The following FSHR variants were observed in gnomAD, a reference collection of about 807,000 sequenced individuals.
FSHR encodes follicle-stimulating hormone receptor.
FSHR carries 46 observed loss-of-function variants against 52.1 expected under a neutral mutation model. That is an observed-to-expected ratio of 0.88 (90% confidence interval 0.70 to 1.13). The LOEUF is 1.13. Among genes scored for constraint, FSHR ranks in the 50% most tolerant of loss-of-function variants. The pLI, the probability that FSHR is intolerant of heterozygous loss-of-function variation, is 0.00. For synonymous variants in FSHR, 399 were observed against 309.6 expected, an observed-to-expected ratio of 1.29 and a Z score of -3.03; for missense variants, 964 against 834.6, an observed-to-expected ratio of 1.16 and a Z score of -1.91.
At chr2:48,987,255 G>A (rs1573050511) in intron 6 of FSHR, among the ~76,000 whole-genome samples, 2 of 152,200 alleles carry the variant, frequency 1.3e-5, no homozygotes, top group South Asian at 4.2e-4. Flanking sequence ...CCAGGCTGGA[G>A]TGCAGTGGTG....
rs1360055581 is a variant in FSHR, at chr2:48,962,299, C to T, written c.*434G>A. The T allele has an allele frequency of 9.6e-6, 2 of 208,486 alleles. No homozygotes were observed. 12.9% of individuals were successfully genotyped at this position (208,486 alleles called of 1,614,324 possible). ...CCATGGTGCTTCTCTGGGAAATTCTCTGGGAGTCGGAATACCTAATCCTGG... is the reference window on the plus strand; with the variant it reads ...CCATGGTGCTTCTCTGGGAAATTCTTTGGGAGTCGGAATACCTAATCCTGG... On this transcript the variant is annotated 3_prime_UTR_variant, in exon 10 of 10. Transcript: ENST00000406846.
At chr2:49,012,042 C>T (rs1667295113) in intron 4 of FSHR, among the ~76,000 whole-genome samples, 1 of 151,982 alleles carries the variant, frequency 6.6e-6, no homozygotes, top group Non-Finnish European at 1.5e-5. Flanking sequence ...CAGCCATTAA[C>T]AGGCATCATA....
Position 49,068,209 on chromosome 2 carries a change from A to AG in FSHR, c.224+9dup. The AG allele has an allele frequency of 6.2e-7, 1 of 1,606,188 alleles. No homozygotes were observed. Among genetic ancestry groups the AG allele is most frequent in the South Asian group, 1.1e-5 (1 of 90,808 alleles). On this transcript the variant is annotated intron_variant, in intron 2 of 9. Coordinates refer to ENST00000406846, the MANE Select transcript of FSHR (RefSeq NM_000145.4). ...TGAGGCATTCACTCACAGCAGTGCT[A>AG]GGTACATACATTTTCTCCAGGTCCC...
At chr2:48,998,089 A>C (rs1676101931) in intron 4 of FSHR, among the ~76,000 whole-genome samples, 1 of 152,128 alleles carries the variant, frequency 6.6e-6, no homozygotes, top group Admixed American at 6.6e-5. Context: ...AGTCAAGGAA[A>C]ACTACTACCT....
chr2:49,090,927 G>C (rs991998887), intron 1 of FSHR, among the ~76,000 whole-genome samples: 1 of 151,838 alleles, frequency 6.6e-6, no homozygotes, highest in Non-Finnish European at 1.5e-5. Flanking sequence ...TTGGTGAAGT[G>C]ACTGATTCTT....
At chr2:49,054,843 G>A (rs1669000098) in intron 2 of FSHR, among the ~76,000 whole-genome samples, 1 of 152,034 alleles carries the variant, frequency 6.6e-6, no homozygotes, top group South Asian at 2.1e-4. Flanking sequence ...AAAAGTCAAA[G>A]CACCTCACCA....
intron 9 of FSHR, among the ~76,000 whole-genome samples, chr2:48,966,780 A>G (rs1674494987): frequency 6.6e-6 from 1 of 152,210 alleles, no homozygotes; most frequent in South Asian, 2.1e-4. Flanking sequence ...AAAAATGAAA[A>G]CCACCTATCA....
At chr2:49,050,113 A>G (rs1668801864) in intron 2 of FSHR, among the ~76,000 whole-genome samples, 1 of 152,140 alleles carries the variant, frequency 6.6e-6, no homozygotes, top group Non-Finnish European at 1.5e-5. Context: ...CAGAATATTT[A>G]TGGAGAATAG....
intron 2 of FSHR, among the ~76,000 whole-genome samples, chr2:49,050,330 T>G: frequency 6.6e-6 from 1 of 152,150 alleles, no homozygotes; most frequent in East Asian, 1.9e-4. Flanking sequence ...AAGCTGAAAC[T>G]TGAAAGGAAA....
In FSHR at chr2:48,985,697, G is replaced by GTTT. The variant is rs70946839; in HGVS notation, c.525-2534_525-2532dup. ...TTCAGTTTCAGGGGAGCAAGTACAG[G>GTTT]TTTTTTTTTTTTTTTTTTTTTTTTT... On this transcript the variant is annotated intron_variant, in intron 6 of 9. Coordinates refer to ENST00000406846, the MANE Select transcript of FSHR (RefSeq NM_000145.4). Among the ~76,000 whole-genome samples, 335 of 99,574 alleles carry GTTT rather than the reference G, an allele frequency of 3.4e-3. 118 individuals carry two copies. Among genetic ancestry groups the GTTT allele is most frequent in the African/African-American group, 9.5e-3 (228 of 23,910 alleles). The allele number at this position is 99,574 out of a possible 152,430, so 65.3% of individuals were successfully genotyped here.
chr2:48,981,484 T>C (rs1463981444), intron 8 of FSHR, among the ~76,000 whole-genome samples: 1 of 151,998 alleles, frequency 6.6e-6, no homozygotes, highest in African/African-American at 2.4e-5. Flanking sequence ...CTTAGAGAGG[T>C]AAAAGAATTG....
At chr2:49,013,963 G>A (rs562124000) in intron 4 of FSHR, among the ~76,000 whole-genome samples, 1 of 152,148 alleles carries the variant, frequency 6.6e-6, no homozygotes, top group African/African-American at 2.4e-5. Context: ...TATGCACCAA[G>A]GTAAGGCCAT....
intron 4 of FSHR, among the ~76,000 whole-genome samples, chr2:48,993,429 C>T (rs749588544): frequency 1.3e-5 from 2 of 152,108 alleles, no homozygotes; most frequent in African/African-American, 2.4e-5. Context: ...ATATCCAGCC[C>T]ATCTCAAAGT....
chr2:49,015,860 C>G (rs910832500), intron 4 of FSHR, among the ~76,000 whole-genome samples: 6 of 152,132 alleles, frequency 3.9e-5, no homozygotes, highest in African/African-American at 1.4e-4. Flanking sequence ...AGAATGAAAC[C>G]CAGCAGTCCT....
chr2:49,071,638 A>AC (rs1669735769), intron 1 of FSHR, among the ~76,000 whole-genome samples: 11 of 152,292 alleles, frequency 7.2e-5, no homozygotes, highest in Non-Finnish European at 1.3e-4. Context: ...GCTATAAAGG[A>AC]ATACTTGAAA....
At position 48,963,220 on chromosome 2, in the gene FSHR, AG is replaced by A; in HGVS notation, c.1600del (p.Leu534SerfsTer108). 1 of 1,614,156 alleles carries A rather than the reference AG, an allele frequency of 6.2e-7. No homozygotes were observed. Reference sequence around the variant, plus strand: ...AAAGGCCAGGACATTGAGCACAAGGAGGGACATGACATACAGCTGTGACAAA... The same window carrying A: ...AAAGGCCAGGACATTGAGCACAAGGAGGACATGACATACAGCTGTGACAAA... Reference protein sequence around the residue: ...SPLSQLYVMSLLVLNVLAFVV... With the variant: ...SPLSQLYVMSXLVLNVLAFVV... On this transcript the variant is annotated frameshift_variant, in exon 10 of 10. Coordinates refer to ENST00000406846, the MANE Select transcript of FSHR (RefSeq NM_000145.4). LOFTEE classifies it high-confidence loss of function.
intron 4 of FSHR, chr2:49,014,686 T>C: frequency 3.9e-6 from 1 of 255,708 alleles, no homozygotes; most frequent in Non-Finnish European, 7.8e-6. Context: ...GATTCCTCAT[T>C]TCTCATTTAC....
At chr2:49,092,820 C>G (rs1670661007) in intron 1 of FSHR, among the ~76,000 whole-genome samples, 1 of 152,100 alleles carries the variant, frequency 6.6e-6, no homozygotes, top group African/African-American at 2.4e-5. Context: ...TGCGCACCAC[C>G]ATGCGCAGCT....
At chr2:49,124,288 C>T (rs937502429) in intron 1 of FSHR, among the ~76,000 whole-genome samples, 17 of 152,002 alleles carry the variant, frequency 1.1e-4, no homozygotes, top group Non-Finnish European at 1.8e-4. Flanking sequence ...AGCCACCACA[C>T]CCGGCCGAGT....
Sources: gnomAD v4.1 joint callset for allele counts (sites outside exome capture counted in the v4.1 genomes callset) on GRCh38, gnomAD v4.1.1 for gene constraint, MANE v1.5 for transcripts, NCBI Gene and HGNC (gene_info 2026-07-23, HGNC 2026-07-21) for gene names.